FOXP1: variants seen among roughly 807,000 people sequenced by gnomAD.
The protein encoded by FOXP1 is forkhead box protein P1.
Under a neutral mutation model 98.2 loss-of-function variants are expected in FOXP1, and 15 were observed. The observed-to-expected ratio is 0.15, with a 90% confidence interval of 0.10 to 0.24. The LOEUF (loss-of-function observed/expected upper bound fraction) is 0.24. Among genes scored for constraint, FOXP1 ranks in the 10% least tolerant of loss-of-function variants. The probability of loss-of-function intolerance (pLI) is 1.00; values close to 1 mark genes in which losing one functional copy is unlikely to be tolerated. For synonymous variants in FOXP1, 371 were observed against 314.5 expected (o/e 1.18, Z -1.90); for missense variants, 633 against 848.5 (o/e 0.75, Z 3.15).
intron 3 of FOXP1, among the ~76,000 whole-genome samples, chr3:71,478,827 T>A (rs1276130259): frequency 6.6e-6 from 1 of 152,114 alleles, no homozygotes. Context: ...GTTCAGGAAA[T>A]GTGTTAAGTC....
chr3:70,998,572 T>G (rs1224941079), intron 13 of FOXP1, among the ~76,000 whole-genome samples: 1 of 152,074 alleles, frequency 6.6e-6, no homozygotes, highest in African/African-American at 2.4e-5. Context: ...GACAAAAACA[T>G]TACGAGGAAC....
intron 5 of FOXP1, among the ~76,000 whole-genome samples, chr3:71,299,140 G>A (rs557828448): frequency 3.3e-4 from 50 of 152,146 alleles, no homozygotes; most frequent in African/African-American, 8.4e-4. Context: ...CATTTTAACC[G>A]GAGTACTTTT....
At chr3:71,355,832 C>T (rs940377633) in intron 4 of FOXP1, among the ~76,000 whole-genome samples, 2 of 152,086 alleles carry the variant, frequency 1.3e-5, no homozygotes, top group African/African-American at 2.4e-5. Context: ...GACTCTTACC[C>T]GTCTCACCTA....
intron 7 of FOXP1, among the ~76,000 whole-genome samples, chr3:71,082,482 G>C (rs950588029): frequency 3.3e-5 from 5 of 151,028 alleles, no homozygotes; most frequent in Non-Finnish European, 7.4e-5. Flanking sequence ...GTCAGGGGGT[G>C]GGGGGTAGGG....
At chr3:71,515,449 A>AAAAAAAAC (rs1560592247) in intron 2 of FOXP1, among the ~76,000 whole-genome samples, 28 of 140,682 alleles carry the variant, frequency 2.0e-4, no homozygotes, top group Non-Finnish European at 3.2e-4. Context: ...AAAAAAAAAA[A>AAAAAAAAC]AAAACTGCAC....
intron 6 of FOXP1, among the ~76,000 whole-genome samples, chr3:71,160,510 A>G (rs952052224): frequency 6.6e-6 from 1 of 152,302 alleles, no homozygotes; most frequent in Non-Finnish European, 1.5e-5. Flanking sequence ...GTTAAGTGAA[A>G]ACAGATATTT....
chr3:70,992,113 G>A (rs1341593809), intron 13 of FOXP1, among the ~76,000 whole-genome samples: 2 of 152,160 alleles, frequency 1.3e-5, no homozygotes, highest in African/African-American at 2.4e-5. Context: ...AAACGACTGC[G>A]GTCTCACCTA....
At chr3:71,141,784 T>TA (rs1014080073) in intron 6 of FOXP1, among the ~76,000 whole-genome samples, 24 of 151,868 alleles carry the variant, frequency 1.6e-4, no homozygotes, top group Non-Finnish European at 2.8e-4. Context: ...CAGCCTTCAT[T>TA]AAAAAAAAGA....
chr3:71,338,865 A>C (rs1193232792), intron 4 of FOXP1, among the ~76,000 whole-genome samples: 1 of 152,378 alleles, frequency 6.6e-6, no homozygotes, highest in African/African-American at 2.4e-5. Context: ...TAACTAAATT[A>C]TACTTTGGTA....
chr3:71,386,299 C>A, intron 3 of FOXP1, among the ~76,000 whole-genome samples: 1 of 152,176 alleles, frequency 6.6e-6, no homozygotes, highest in Admixed American at 6.5e-5. Context: ...TGGTTGTGCC[C>A]ACTGGCAATA....
intron 2 of FOXP1, among the ~76,000 whole-genome samples, chr3:71,499,847 A>G (rs1359027616): frequency 1.3e-5 from 2 of 152,244 alleles, no homozygotes; most frequent in Admixed American, 6.5e-5. Context: ...AAAAAAAGGT[A>G]TGTGTTTGTC....
chr3:71,349,545 C>T (rs1449592689), intron 4 of FOXP1, among the ~76,000 whole-genome samples: 1 of 151,970 alleles, frequency 6.6e-6, no homozygotes, highest in Non-Finnish European at 1.5e-5. Context: ...ATTATTAATT[C>T]AGGGAAGCAT....
chr3:71,393,140 T>C (rs1378354583), intron 3 of FOXP1, among the ~76,000 whole-genome samples: 1 of 152,190 alleles, frequency 6.6e-6, no homozygotes, highest in Non-Finnish European at 1.5e-5. Context: ...TAGGTTTGAA[T>C]GTGAATCATT....
intron 2 of FOXP1, among the ~76,000 whole-genome samples, chr3:71,506,438 C>T (rs1367693641): frequency 6.6e-6 from 1 of 152,162 alleles, no homozygotes; most frequent in African/African-American, 2.4e-5. Context: ...GCACACGCTC[C>T]CTACACTGGC....
intron 3 of FOXP1, among the ~76,000 whole-genome samples, chr3:71,377,337 T>A (rs994941945): frequency 9.2e-5 from 14 of 152,202 alleles, no homozygotes; most frequent in African/African-American, 2.9e-4. Context: ...AAAACAATAC[T>A]TGGAAATATT....
chr3:71,227,150 T>C (rs2065907046), intron 5 of FOXP1, among the ~76,000 whole-genome samples: 1 of 152,154 alleles, frequency 6.6e-6, no homozygotes, highest in Admixed American at 6.5e-5. Flanking sequence ...TCCCCTGCTC[T>C]TGTCTAAGTC....
intron 5 of FOXP1, among the ~76,000 whole-genome samples, chr3:71,264,073 A>C (rs527478778): frequency 6.6e-6 from 1 of 152,162 alleles, no homozygotes; most frequent in Non-Finnish European, 1.5e-5. Context: ...TTCAGAAAGG[A>C]TATCTGTCTA....
chr3:71,045,658 T>C (rs1194164698), intron 10 of FOXP1, among the ~76,000 whole-genome samples: 1 of 151,592 alleles, frequency 6.6e-6, no homozygotes, highest in Non-Finnish European at 1.5e-5. Flanking sequence ...CAGAAAGGAG[T>C]GGAGGGGCAA....
chr3:71,389,622 G>C (rs937084696), intron 3 of FOXP1, among the ~76,000 whole-genome samples: 2 of 152,152 alleles, frequency 1.3e-5, no homozygotes, highest in Non-Finnish European at 2.9e-5. Context: ...AAGAGAATAT[G>C]AGTAAATTAC....
Sources: allele counts gnomAD v4.1 joint callset (sites outside exome capture counted in the v4.1 genomes callset), GRCh38; gene constraint gnomAD v4.1.1; transcripts MANE v1.5; gene names NCBI Gene and HGNC (gene_info 2026-07-23, HGNC 2026-07-21).